PLGRKT: variants seen among roughly 807,000 people sequenced by gnomAD.
The protein encoded by PLGRKT is plasminogen receptor (KT).
In PLGRKT, 22 loss-of-function variants were observed where a neutral mutation model predicts 18.5. That is an observed-to-expected ratio of 1.19 (90% CI 0.85 to 1.70). PLGRKT has a LOEUF of 1.70. Ranked by LOEUF, PLGRKT falls within the 40% of genes most tolerant of loss-of-function variation. The pLI is 0.00. For missense variants in PLGRKT, 235 were observed against 174.4 expected, an observed-to-expected ratio of 1.35 and a Z score of -1.96; for synonymous variants, 72 against 52.8, an observed-to-expected ratio of 1.36 and a Z score of -1.58.
intron 3 of PLGRKT, among the ~76,000 whole-genome samples, chr9:5,384,767 C>G (rs917884139): frequency 1.3e-5 from 2 of 151,988 alleles, no homozygotes; most frequent in Non-Finnish European, 2.9e-5. Flanking sequence ...GAAAAATCAT[C>G]ACTCCCCACA....
In PLGRKT at chr9:5,418,849, G is replaced by A; in HGVS notation, c.81+13048C>T. 1 of 1,066,980 alleles carries A rather than the reference G, an allele frequency of 9.4e-7. No individual in the cohort carries two copies. Among genetic ancestry groups the A allele is most frequent in the Non-Finnish European group, 1.4e-6 (1 of 693,924 alleles). 66.1% of individuals were successfully genotyped at this position (1,066,980 alleles called of 1,614,324 possible). A position where few individuals can be genotyped will look rare whatever the true frequency, so the allele number is the denominator to read the frequency against. ...GGGGCATCGCACATCCTTCTGGCTGGTCCTCGTCTGCTGGAGGCAAACTGA... is the reference window on the plus strand; with the variant it reads ...GGGGCATCGCACATCCTTCTGGCTGATCCTCGTCTGCTGGAGGCAAACTGA... On this transcript the variant is annotated intron_variant, in intron 3 of 5. Coordinates refer to ENST00000223864, the MANE Select transcript of PLGRKT (RefSeq NM_018465.4). The surrounding 1 kb of genome is among the most constrained non-coding windows in gnomAD (Gnocchi z 4.2).
intron 5 of PLGRKT, among the ~76,000 whole-genome samples, chr9:5,360,632 G>A (rs1321800669): frequency 6.6e-6 from 1 of 151,940 alleles, no homozygotes; most frequent in Non-Finnish European, 1.5e-5. Context: ...ACTGAAACTG[G>A]ACTGTAGCTG....
At chr9:5,388,586 G>A (rs986843406) in intron 3 of PLGRKT, among the ~76,000 whole-genome samples, 2 of 152,038 alleles carry the variant, frequency 1.3e-5, no homozygotes, top group Non-Finnish European at 2.9e-5. Flanking sequence ...GACTTAAAAT[G>A]AGGAAGTAGA....
chr9:5,408,151 G>C (rs1418976372), intron 3 of PLGRKT, among the ~76,000 whole-genome samples: 1 of 152,212 alleles, frequency 6.6e-6, no homozygotes, highest in Admixed American at 6.5e-5. Flanking sequence ...CACACTGAAA[G>C]TGGCTTTCGA....
intron 3 of PLGRKT, among the ~76,000 whole-genome samples, chr9:5,411,849 C>T (rs368775359): frequency 2.0e-5 from 3 of 152,252 alleles, no homozygotes; most frequent in East Asian, 3.9e-4. Context: ...AAAACATTTC[C>T]TATTCTTGAA....
intron 3 of PLGRKT, among the ~76,000 whole-genome samples, chr9:5,403,225 T>C (rs1818189753): frequency 1.3e-5 from 1 of 74,542 alleles, no homozygotes; most frequent in Non-Finnish European, 3.1e-5. Flanking sequence ...TTCTTTTTTC[T>C]TTTTTTTTTT....
chr9:5,408,517 T>A (rs1818299364), intron 3 of PLGRKT, among the ~76,000 whole-genome samples: 2 of 152,238 alleles, frequency 1.3e-5, no homozygotes, highest in African/African-American at 4.8e-5. Flanking sequence ...CCTAGGCTCA[T>A]ATGCACAAGC....
At chr9:5,404,731 C>G (rs1013750518) in intron 3 of PLGRKT, among the ~76,000 whole-genome samples, 1 of 152,134 alleles carries the variant, frequency 6.6e-6, no homozygotes, top group African/African-American at 2.4e-5. Context: ...ACAAGGATGC[C>G]CTCTCTCACC....
intron 3 of PLGRKT, among the ~76,000 whole-genome samples, chr9:5,379,487 CAT>C (rs1262825133): frequency 6.6e-6 from 1 of 151,988 alleles, no homozygotes; most frequent in African/African-American, 2.4e-5. Flanking sequence ...TCAACAGCCA[CAT>C]GTGAGTGGAT....
chr9:5,422,951 C>A (rs900195333), intron 3 of PLGRKT, among the ~76,000 whole-genome samples: 3 of 151,988 alleles, frequency 2.0e-5, no homozygotes, highest in Non-Finnish European at 4.4e-5. Flanking sequence ...TAATTGCTTT[C>A]GAAACACCTG....
At chr9:5,384,979 C>A (rs1454853743) in intron 3 of PLGRKT, among the ~76,000 whole-genome samples, 1 of 152,038 alleles carries the variant, frequency 6.6e-6, no homozygotes, top group Non-Finnish European at 1.5e-5. Flanking sequence ...AGAGCAACAG[C>A]CAAAGTGAGG....
intron 3 of PLGRKT, among the ~76,000 whole-genome samples, chr9:5,376,394 G>C (rs1195699323): frequency 1.3e-5 from 2 of 152,094 alleles, no homozygotes; most frequent in Non-Finnish European, 2.9e-5. Context: ...TGTGTCCATG[G>C]GTAGGTCCCT....
chr9:5,413,659 C>A (rs971555167), intron 3 of PLGRKT, among the ~76,000 whole-genome samples: 2 of 152,274 alleles, frequency 1.3e-5, no homozygotes, highest in South Asian at 4.1e-4. Flanking sequence ...GAAATGCAGC[C>A]CCCCTCACAT....
chr9:5,386,854 G>C (rs1180414781), intron 3 of PLGRKT, among the ~76,000 whole-genome samples: 1 of 151,942 alleles, frequency 6.6e-6, no homozygotes, highest in Non-Finnish European at 1.5e-5. Flanking sequence ...CCCTATGACT[G>C]GGTCAGGAAA....
intron 3 of PLGRKT, among the ~76,000 whole-genome samples, chr9:5,428,523 C>T (rs1185437207): frequency 6.6e-6 from 1 of 152,150 alleles, no homozygotes; most frequent in East Asian, 1.9e-4. Flanking sequence ...GCCATTCTCT[C>T]CAGAGGCCAG....
intron 3 of PLGRKT, among the ~76,000 whole-genome samples, chr9:5,410,952 T>C (rs969282957): frequency 3.9e-5 from 6 of 152,242 alleles, no homozygotes; most frequent in African/African-American, 1.4e-4. Flanking sequence ...AATTGTTATA[T>C]GGCTAAACAA....
At chr9:5,406,413 G>C (rs1818257780) in intron 3 of PLGRKT, among the ~76,000 whole-genome samples, 1 of 152,174 alleles carries the variant, frequency 6.6e-6, no homozygotes, top group South Asian at 2.1e-4. Context: ...TATACACCAT[G>C]GAATACTATG....
At chr9:5,396,684 T>A (rs1353712422) in intron 3 of PLGRKT, among the ~76,000 whole-genome samples, 2 of 151,984 alleles carry the variant, frequency 1.3e-5, no homozygotes, top group African/African-American at 4.9e-5. Flanking sequence ...AGAAGGCATT[T>A]AAAAATAATA....
intron 2 of PLGRKT, among the ~76,000 whole-genome samples, chr9:5,432,526 C>G (rs1422216999): frequency 1.3e-5 from 2 of 149,664 alleles, no homozygotes; most frequent in African/African-American, 4.9e-5. Context: ...TTTCTACGGT[C>G]TCCCTCTCTT....
Sources: allele counts gnomAD v4.1 joint callset (sites outside exome capture counted in the v4.1 genomes callset), GRCh38; gene constraint gnomAD v4.1.1; non-coding constraint Gnocchi (gnomAD v3.1); transcripts MANE v1.5; gene names NCBI Gene and HGNC (gene_info 2026-07-23, HGNC 2026-07-21).